Variants in MAP2K6 observed in about 807,000 individuals in gnomAD.
MAP2K6 encodes mitogen-activated protein kinase kinase 6, also known as dual specificity mitogen-activated protein kinase kinase 6.
In MAP2K6, 16 loss-of-function variants were observed where a neutral mutation model predicts 53.7. The ratio of observed to expected loss-of-function variants is 0.30; its 90% CI spans 0.20 to 0.45. The LOEUF is 0.45. MAP2K6 is among the 20% of genes least tolerant of loss of function. MAP2K6 has a pLI of 1.00. For synonymous variants in MAP2K6, 132 were observed against 143.1 expected, an observed-to-expected ratio of 0.92 and a Z score of 0.55; for missense variants, 204 against 411.9, an observed-to-expected ratio of 0.50 and a Z score of 4.37.
chr17:69,467,840 C>G (rs771526877), intron 1 of MAP2K6, among the ~76,000 whole-genome samples: 19 of 151,742 alleles, frequency 1.3e-4, no homozygotes, highest in Non-Finnish European at 2.1e-4. Flanking sequence ...CATGTGATTT[C>G]AACTCACTGC....
chr17:69,476,808 A>G (rs1202994929), intron 1 of MAP2K6, among the ~76,000 whole-genome samples: 2 of 152,202 alleles, frequency 1.3e-5, no homozygotes, highest in Non-Finnish European at 1.5e-5. Context: ...TCCCTCTGCC[A>G]TTGGTTGGCT....
rs1450712484 is a variant in MAP2K6, at chr17:69,547,681, A to G, written c.*5928A>G. On this transcript the variant is annotated 3_prime_UTR_variant, in exon 12 of 12. Transcript: ENST00000590474. ...ATGAAAGTTGCTTGTTAATGTCCTC[A>G]GGTAAGTATGAATTGTTCTGGAAGC... 1 of 152,270 alleles carries G rather than the reference A, an allele frequency of 6.6e-6. No individual in the cohort carries two copies. Among genetic ancestry groups the G allele is most frequent in the Non-Finnish European group, 1.5e-5 (1 of 68,048 alleles). 9.4% of individuals were successfully genotyped at this position (152,270 alleles called of 1,614,324 possible).
intron 2 of MAP2K6, among the ~76,000 whole-genome samples, chr17:69,510,078 C>T (rs1909737916): frequency 6.6e-6 from 1 of 152,220 alleles, no homozygotes; most frequent in South Asian, 2.1e-4. Context: ...CTCATGGGCT[C>T]AAGCAATTTG....
At chr17:69,527,813 C>T (rs1598312918) in intron 10 of MAP2K6, among the ~76,000 whole-genome samples, 1 of 152,110 alleles carries the variant, frequency 6.6e-6, no homozygotes, top group Non-Finnish European at 1.5e-5. Context: ...CATTCCTCAG[C>T]CTCCATGGTT....
At chr17:69,460,604 G>T (rs924051186) in intron 1 of MAP2K6, among the ~76,000 whole-genome samples, 1 of 152,192 alleles carries the variant, frequency 6.6e-6, no homozygotes, top group Non-Finnish European at 1.5e-5. Flanking sequence ...CCAGGGCACA[G>T]TATTTTGTTG....
chr17:69,496,031 C>G (rs1304158612), intron 1 of MAP2K6, among the ~76,000 whole-genome samples: 1 of 151,782 alleles, frequency 6.6e-6, no homozygotes, highest in African/African-American at 2.4e-5. Flanking sequence ...CTTTTAAGAA[C>G]ATCTTAGTCA....
intron 1 of MAP2K6, among the ~76,000 whole-genome samples, chr17:69,438,153 C>T (rs778581675): frequency 1.3e-5 from 2 of 152,186 alleles, no homozygotes; most frequent in Non-Finnish European, 2.9e-5. Context: ...TTTCTGGTGC[C>T]ACATGAATGG....
intron 1 of MAP2K6, among the ~76,000 whole-genome samples, chr17:69,481,730 A>C (rs1908357801): frequency 6.6e-6 from 1 of 152,106 alleles, no homozygotes; most frequent in African/African-American, 2.4e-5. Context: ...TCTTCATATA[A>C]GGACACCATT....
At position 69,553,374 on chromosome 17, in the gene MAP2K6, T is replaced by A. The variant is rs1912172969; in HGVS notation, c.*11621T>A. On this transcript the variant is annotated 3_prime_UTR_variant, in exon 12 of 12. Coordinates refer to ENST00000590474, the MANE Select transcript of MAP2K6 (RefSeq NM_002758.4). ...TTTTTGACCAAGGAAACAGCTGAGA[T>A]ATTAAACCATGTGGTTGTTCCACGG... is the stretch of plus-strand genomic sequence containing the variant. 2 of 152,226 alleles carry A rather than the reference T, an allele frequency of 1.3e-5. No individual in the cohort carries two copies. Among genetic ancestry groups the A allele is most frequent in the Non-Finnish European group, 2.9e-5 (2 of 68,042 alleles). 9.4% of individuals were successfully genotyped at this position (152,226 alleles called of 1,614,324 possible).
At chr17:69,511,392 C>A (rs577041058) in intron 2 of MAP2K6, among the ~76,000 whole-genome samples, 2 of 152,152 alleles carry the variant, frequency 1.3e-5, no homozygotes, top group African/African-American at 4.8e-5. Flanking sequence ...CCCATTCATA[C>A]CCTGCCTCCT....
In MAP2K6 at chr17:69,483,612, A is replaced by G. The variant is rs149933055; in HGVS notation, c.17-22168A>G. Among the ~76,000 whole-genome samples the G allele has an allele frequency of 2.9e-3, 434 of 152,218 alleles. 2 individuals are homozygous for G. Among genetic ancestry groups the G allele is most frequent in the African/African-American group, 9.5e-3 (394 of 41,576 alleles). On this transcript the variant is annotated intron_variant, in intron 1 of 11. Coordinates refer to ENST00000590474, the MANE Select transcript of MAP2K6 (RefSeq NM_002758.4). ...AATTGATAGGCTAATCCTGAAATTC[A>G]TAAGATAATTTAAAGGCCTCAGAAT...
intron 10 of MAP2K6, among the ~76,000 whole-genome samples, chr17:69,531,136 G>A (rs1366871284): frequency 6.6e-6 from 1 of 151,462 alleles, no homozygotes; most frequent in Non-Finnish European, 1.5e-5. Flanking sequence ...CAGAAAGGCC[G>A]CTCTATGTGC....
At chr17:69,420,292 G>C (rs924010718) in intron 1 of MAP2K6, among the ~76,000 whole-genome samples, 1 of 152,118 alleles carries the variant, frequency 6.6e-6, no homozygotes, top group East Asian at 1.9e-4. Flanking sequence ...ATAGCACCTG[G>C]TTGTGTTATA....
chr17:69,479,692 C>T lies in MAP2K6; in HGVS notation c.17-26088C>T, dbSNP rs150653525. ...CTGTGAGAATATTTGGGGAGCTGAG[C>T]CCAGGAAATGTACTTTTCCTTTTGT... On this transcript the variant is annotated intron_variant, in intron 1 of 11. Coordinates refer to ENST00000590474, the MANE Select transcript of MAP2K6 (RefSeq NM_002758.4). Among the ~76,000 whole-genome samples, 208 of 151,726 alleles carry T rather than the reference C, an allele frequency of 1.4e-3. 1 individual carries two copies. Among genetic ancestry groups the T allele is most frequent in the African/African-American group, 4.6e-3 (189 of 41,340 alleles).
At chr17:69,469,972 C>T (rs1002065071) in intron 1 of MAP2K6, among the ~76,000 whole-genome samples, 34 of 151,894 alleles carry the variant, frequency 2.2e-4, no homozygotes, top group African/African-American at 7.3e-4. Context: ...GAGGCTGAGG[C>T]GGGTGGATCA....
intron 2 of MAP2K6, among the ~76,000 whole-genome samples, chr17:69,514,746 G>A (rs1039916224): frequency 1.3e-5 from 2 of 152,064 alleles, no homozygotes; most frequent in African/African-American, 4.8e-5. Context: ...ATTTTTAGTA[G>A]AGATGAGGTT....
intron 5 of MAP2K6, 188 bp from the exon 6 acceptor site, chr17:69,520,082 G>T (rs1297135441): frequency 3.6e-6 from 2 of 553,142 alleles, no homozygotes; most frequent in African/African-American, 3.9e-5. Flanking sequence ...CTACTGGTTT[G>T]CTCTTTGTAG....
intron 1 of MAP2K6, among the ~76,000 whole-genome samples, chr17:69,473,805 T>C (rs1381410996): frequency 6.6e-6 from 1 of 152,240 alleles, no homozygotes; most frequent in Non-Finnish European, 1.5e-5. Flanking sequence ...TATATCTATT[T>C]TCAAGGTGTT....
At chr17:69,479,177 C>T (rs888463504) in intron 1 of MAP2K6, among the ~76,000 whole-genome samples, 4 of 151,872 alleles carry the variant, frequency 2.6e-5, no homozygotes, top group South Asian at 2.1e-4. Flanking sequence ...ATGCATTCTG[C>T]GATGAAAGAG....
Sources: gnomAD v4.1 joint callset for allele counts (sites outside exome capture counted in the v4.1 genomes callset) on GRCh38, gnomAD v4.1.1 for gene constraint, MANE v1.5 for transcripts, NCBI Gene and HGNC (gene_info 2026-07-23, HGNC 2026-07-21) for gene names.